CCDC93: variants seen among roughly 807,000 people sequenced by gnomAD.
CCDC93 encodes CCC complex scaffolding subunit CCDC93.
CCDC93 carries 61 observed loss-of-function variants against 108.2 expected under a neutral mutation model. The observed-to-expected ratio is 0.56, with a 90% CI of 0.46 to 0.70. The LOEUF (loss-of-function observed/expected upper bound fraction) is 0.70. Ranked by LOEUF, CCDC93 falls within the 30% of genes least tolerant of loss-of-function variation. The pLI, the probability that CCDC93 is intolerant of heterozygous loss-of-function variation, is 0.00. For synonymous variants in CCDC93, 276 were observed against 260.4 expected, an observed-to-expected ratio of 1.06 and a Z score of -0.58; for missense variants, 685 against 764.2, an observed-to-expected ratio of 0.90 and a Z score of 1.22.
chr2:117,930,968 T>C (rs1319809714), intron 23 of CCDC93, 69 bp downstream of exon 23: 7 of 1,025,342 alleles, frequency 6.8e-6, no homozygotes, highest in South Asian at 1.5e-5. Flanking sequence ...TGCTGTTTTT[T>C]AGTGGCTACT....
intron 8 of CCDC93, 31 bp from the exon 9 acceptor site, chr2:117,975,311 A>G: frequency 1.3e-6 from 2 of 1,506,150 alleles, no homozygotes; most frequent in African/African-American, 1.4e-5. Context: ...ACAGCTGAGC[A>G]CGGGAGATGG....
Position 117,949,404 on chromosome 2 carries a change from G to C in CCDC93, c.1069-9C>G. On this transcript the variant is annotated splice_polypyrimidine_tract_variant and intron_variant, in intron 13 of 23. Transcript: ENST00000376300. Reference sequence around the variant, plus strand: ...TCACTGTAAGTCTTCAGCTGCAAGAGAGAATGAAGACATGGTTGCTGGAGC... The same window carrying C: ...TCACTGTAAGTCTTCAGCTGCAAGACAGAATGAAGACATGGTTGCTGGAGC... 1 of 1,605,272 alleles carries C rather than the reference G, an allele frequency of 6.2e-7. No individual in the cohort carries two copies. The highest frequency in any genetic ancestry group is 8.5e-7 in the Non-Finnish European group (1 of 1,172,136).
chr2:117,952,247 C>G, intron 13 of CCDC93, 126 bp downstream of exon 13: 1 of 729,100 alleles, frequency 1.4e-6, no homozygotes, highest in Non-Finnish European at 2.5e-6. Context: ...AAAATGACTG[C>G]AGCCTCTGAG....
chr2:117,990,914 C>A (rs1680458978), intron 6 of CCDC93, among the ~76,000 whole-genome samples: 1 of 151,590 alleles, frequency 6.6e-6, no homozygotes, highest in African/African-American at 2.4e-5. Flanking sequence ...CTCGTGGTAT[C>A]ATGGGTGATT....
chr2:117,931,664 CTT>C (rs1241493772), intron 22 of CCDC93: 1 of 152,322 alleles, frequency 6.6e-6, no homozygotes. Flanking sequence ...CGTGTATCCT[CTT>C]TTGATTTAAT....
At chr2:117,940,009 T>G (rs1012414833) in intron 19 of CCDC93, among the ~76,000 whole-genome samples, 5 of 152,142 alleles carry the variant, frequency 3.3e-5, no homozygotes, top group Non-Finnish European at 2.9e-5. Flanking sequence ...TATTACAGCT[T>G]TTAGAGTAAA....
chr2:118,009,225 G>A (rs894600312), intron 1 of CCDC93, among the ~76,000 whole-genome samples: 13 of 151,394 alleles, frequency 8.6e-5, no homozygotes, highest in East Asian at 5.9e-4. Context: ...ACAAAACTTA[G>A]CCAGGTTTGG....
At chr2:117,950,577 G>A in intron 13 of CCDC93, 1 of 985,364 alleles carries the variant, frequency 1.0e-6, no homozygotes, top group Non-Finnish European at 1.2e-6. Context: ...AGGTTATCCT[G>A]GAAGGGCAGG....
chr2:117,978,594 G>C (rs1159453185), intron 7 of CCDC93, among the ~76,000 whole-genome samples: 1 of 152,034 alleles, frequency 6.6e-6, no homozygotes, highest in Non-Finnish European at 1.5e-5. Flanking sequence ...TAAAAAGCAA[G>C]TATAACAATG....
chr2:117,927,596 G>A (rs534606024), intron 23 of CCDC93, among the ~76,000 whole-genome samples: 250 of 152,160 alleles, frequency 1.6e-3, no homozygotes, highest in Non-Finnish European at 2.6e-3. Context: ...ACCACTGCTC[G>A]ATGAAATAAA....
intron 17 of CCDC93, 134 bp from the exon 18 acceptor site, chr2:117,944,220 A>T: frequency 1.7e-6 from 1 of 583,922 alleles, no homozygotes; most frequent in Non-Finnish European, 2.9e-6. Context: ...TTAAATGCCC[A>T]AGTTTACTGT....
chr2:117,973,838 G>C, intron 11 of CCDC93, 70 bp downstream of exon 11: 2 of 1,193,838 alleles, frequency 1.7e-6, no homozygotes, highest in Non-Finnish European at 1.2e-6. Context: ...GGGTAGTGGG[G>C]TAAGGAAGTG....
rs532664222 is a variant in CCDC93, at chr2:117,915,733, G to A, written c.*4610C>T. 2.0e-5 allele frequency: 3 copies of A among 152,288 alleles called. No individual in the cohort carries two copies. In the South Asian group the frequency reaches 6.2e-4, roughly 32 times the overall value. 9.4% of individuals were successfully genotyped at this position (152,288 alleles called of 1,614,324 possible). A position where few individuals can be genotyped will look rare whatever the true frequency, so the allele number is the denominator to read the frequency against. ...CCTCCCAGAGACATCCTAGGCATAT[G>A]CAGGTGGACATATGATATACACGTG... On this transcript the variant is annotated 3_prime_UTR_variant, in exon 24 of 24. Coordinates refer to ENST00000376300, the MANE Select transcript of CCDC93 (RefSeq NM_019044.5).
intron 12 of CCDC93, among the ~76,000 whole-genome samples, chr2:117,956,808 G>A (rs1273395817): frequency 2.0e-5 from 3 of 152,034 alleles, no homozygotes; most frequent in Admixed American, 1.3e-4. Context: ...AAATGATTGG[G>A]CAGGACCATT....
intron 11 of CCDC93, among the ~76,000 whole-genome samples, chr2:117,968,263 G>A (rs528211404): frequency 6.6e-6 from 1 of 152,322 alleles, no homozygotes; most frequent in East Asian, 1.9e-4. Flanking sequence ...CTCCTATCAA[G>A]CTTAGGGGGT....
At chr2:117,948,221 G>C (rs748189578) in intron 14 of CCDC93, 35 bp from the exon 15 acceptor site, 19 of 1,496,392 alleles carry the variant, frequency 1.3e-5, no homozygotes, top group Non-Finnish European at 1.8e-5. Flanking sequence ...ACATATGGCA[G>C]GCCATTATGA....
intron 5 of CCDC93, 40 bp from the exon 6 acceptor site, chr2:117,995,542 A>G: frequency 6.6e-7 from 1 of 1,524,318 alleles, no homozygotes; most frequent in Non-Finnish European, 9.0e-7. Context: ...ATCCCAAGGG[A>G]AAATTAAAAC....
At chr2:118,004,198 C>A (rs1424405965) in intron 3 of CCDC93, among the ~76,000 whole-genome samples, 1 of 152,144 alleles carries the variant, frequency 6.6e-6, no homozygotes, top group African/African-American at 2.4e-5. Context: ...CTACTCAAAG[C>A]GGTAGTGAAG....
chr2:117,946,932 A>G (rs1678892406), intron 15 of CCDC93, 50 bp from the exon 16 acceptor site: 1 of 1,278,392 alleles, frequency 7.8e-7, no homozygotes, highest in Non-Finnish European at 1.1e-6. Context: ...GAGTAATTAG[A>G]CGCAATTATT....
Sources: gnomAD v4.1 joint callset for allele counts (sites outside exome capture counted in the v4.1 genomes callset) on GRCh38, gnomAD v4.1.1 for gene constraint, MANE v1.5 for transcripts, NCBI Gene and HGNC (gene_info 2026-07-23, HGNC 2026-07-21) for gene names.